Variants in ROR1 observed in about 807,000 individuals in gnomAD.
ROR1 encodes inactive tyrosine-protein kinase transmembrane receptor ROR1.
In ROR1, 19 loss-of-function variants were observed where a neutral mutation model predicts 78.8. That is an observed-to-expected ratio of 0.24 (90% CI 0.17 to 0.35). The LOEUF is 0.35. Among genes scored for constraint, ROR1 ranks in the 10% least tolerant of loss-of-function variants. ROR1 has a pLI of 1.00. For missense variants in ROR1, 917 were observed against 1,177.8 expected (o/e 0.78, Z 3.24); for synonymous variants, 386 against 433.6 (o/e 0.89, Z 1.36).
In ROR1 at chr1:64,141,643, A is replaced by G. The variant is rs374101342; in HGVS notation, c.929-762A>G. Among the ~76,000 whole-genome samples, 8 of 152,272 alleles carry G rather than the reference A, an allele frequency of 5.3e-5. No homozygotes were observed. The East Asian group carries it at 9.7e-4, about 18-fold the overall frequency. Reference sequence around the variant, plus strand: ...GCAGCACCACGCAAAAGACTATTTCAGTGTACATTTCCCTTTCATCTAGAA... The same window carrying G: ...GCAGCACCACGCAAAAGACTATTTCGGTGTACATTTCCCTTTCATCTAGAA... On this transcript the variant is annotated intron_variant, in intron 6 of 8. Coordinates refer to ENST00000371079, the MANE Select transcript of ROR1 (RefSeq NM_005012.4).
chr1:64,138,257 A>G (rs778139085), intron 5 of ROR1, among the ~76,000 whole-genome samples: 6 of 152,180 alleles, frequency 3.9e-5, no homozygotes, highest in Non-Finnish European at 8.8e-5. Context: ...ATGACATTCT[A>G]ATGAGGTTGC....
intron 1 of ROR1, among the ~76,000 whole-genome samples, chr1:63,879,557 T>A (rs913183236): frequency 1.3e-5 from 2 of 152,168 alleles, no homozygotes; most frequent in African/African-American, 4.8e-5. Flanking sequence ...AAAAGGGTTC[T>A]CTAGTCAGAT....
At chr1:64,034,091 A>G (rs766887083) in intron 2 of ROR1, among the ~76,000 whole-genome samples, 4 of 152,134 alleles carry the variant, frequency 2.6e-5, no homozygotes, top group Non-Finnish European at 5.9e-5. Context: ...GAAGACTTCT[A>G]ATTTTACCCT....
chr1:63,788,233 T>C (rs2100232673), intron 1 of ROR1, among the ~76,000 whole-genome samples: 1 of 152,352 alleles, frequency 6.6e-6, no homozygotes, highest in South Asian at 2.1e-4. Flanking sequence ...AGCAGTTTGA[T>C]TGCTTTTTCT....
chr1:64,070,985 G>A (rs1646998852), intron 4 of ROR1, among the ~76,000 whole-genome samples: 1 of 152,216 alleles, frequency 6.6e-6, no homozygotes, highest in African/African-American at 2.4e-5. Flanking sequence ...AGCCAGGCTT[G>A]CAGAGAGCAA....
At chr1:63,893,521 C>T (rs1471716235) in intron 1 of ROR1, among the ~76,000 whole-genome samples, 1 of 152,158 alleles carries the variant, frequency 6.6e-6, no homozygotes, top group African/African-American at 2.4e-5. Context: ...TTTGATGACA[C>T]CATTTCAAGA....
At chr1:63,957,493 G>T (rs1406954044) in intron 1 of ROR1, among the ~76,000 whole-genome samples, 1 of 152,136 alleles carries the variant, frequency 6.6e-6, no homozygotes, top group East Asian at 1.9e-4. Context: ...CAGAGGATGA[G>T]GACCCCCCCT....
intron 1 of ROR1, among the ~76,000 whole-genome samples, chr1:63,939,198 G>A (rs1211884990): frequency 6.6e-6 from 1 of 152,080 alleles, no homozygotes; most frequent in African/African-American, 2.4e-5. Context: ...ATTGTGGCTG[G>A]CAGTGGTTTC....
intron 4 of ROR1, among the ~76,000 whole-genome samples, chr1:64,069,319 T>C (rs1026233627): frequency 1.7e-4 from 26 of 152,212 alleles, no homozygotes; most frequent in South Asian, 4.1e-4. Context: ...TCTTCCCGTC[T>C]CTTTTTTCCA....
intron 1 of ROR1, among the ~76,000 whole-genome samples, chr1:63,921,592 A>G (rs890603648): frequency 6.6e-6 from 1 of 151,530 alleles, no homozygotes. Flanking sequence ...GGCACGGTTT[A>G]CAATGCTAAC....
chr1:63,837,174 C>T (rs533007698), intron 1 of ROR1, among the ~76,000 whole-genome samples: 1 of 152,328 alleles, frequency 6.6e-6, no homozygotes, highest in South Asian at 2.1e-4. Flanking sequence ...TTCAGTATGT[C>T]AGATTTGTTT....
At chr1:64,078,298 AG>A (rs1647069535) in intron 4 of ROR1, among the ~76,000 whole-genome samples, 1 of 152,218 alleles carries the variant, frequency 6.6e-6, no homozygotes, top group African/African-American at 2.4e-5. Context: ...CTAGACAAGC[AG>A]GGGAGATCAT....
intron 4 of ROR1, among the ~76,000 whole-genome samples, chr1:64,099,864 G>C (rs1250715796): frequency 5.3e-5 from 8 of 152,046 alleles, no homozygotes; most frequent in Non-Finnish European, 1.0e-4. Flanking sequence ...AGACCAGCTG[G>C]CCAATATGGT....
chr1:63,867,347 T>C (rs541127012), intron 1 of ROR1, among the ~76,000 whole-genome samples: 1 of 152,304 alleles, frequency 6.6e-6, no homozygotes, highest in Non-Finnish European at 1.5e-5. Flanking sequence ...TTTGACCTTT[T>C]CCTTAGCTTG....
chr1:63,881,801 A>G (rs1334823768), intron 1 of ROR1, among the ~76,000 whole-genome samples: 1 of 152,188 alleles, frequency 6.6e-6, no homozygotes, highest in Non-Finnish European at 1.5e-5. Flanking sequence ...TAGAGTTTCA[A>G]CTTAAGTGTC....
chr1:63,788,428 G>A (rs1435123778), intron 1 of ROR1, among the ~76,000 whole-genome samples: 1 of 152,034 alleles, frequency 6.6e-6, no homozygotes, highest in Non-Finnish European at 1.5e-5. Context: ...AACTCCTCTA[G>A]GGTCAAAACC....
At chr1:64,120,436 A>T (rs539494680) in intron 4 of ROR1, among the ~76,000 whole-genome samples, 1 of 152,238 alleles carries the variant, frequency 6.6e-6, no homozygotes, top group South Asian at 2.1e-4. Context: ...GCTATTTTTA[A>T]CCCAAAGATC....
chr1:63,911,157 T>C (rs1247626136), intron 1 of ROR1, among the ~76,000 whole-genome samples: 1 of 152,160 alleles, frequency 6.6e-6, no homozygotes, highest in Non-Finnish European at 1.5e-5. Context: ...CTGAGGAGCC[T>C]TGTAGAATAA....
At chr1:64,026,467 A>G (rs1216176638) in intron 2 of ROR1, among the ~76,000 whole-genome samples, 2 of 152,196 alleles carry the variant, frequency 1.3e-5, no homozygotes, top group Admixed American at 1.3e-4. Flanking sequence ...CTTTAGTTCT[A>G]TGCTTCTAAA....
Sources: allele counts gnomAD v4.1 joint callset (sites outside exome capture counted in the v4.1 genomes callset), GRCh38; gene constraint gnomAD v4.1.1; transcripts MANE v1.5; gene names NCBI Gene and HGNC (gene_info 2026-07-23, HGNC 2026-07-21).